The following TMEM117 variants were observed in gnomAD, a reference collection of about 807,000 sequenced individuals.
TMEM117 encodes the protein transmembrane protein 117.
TMEM117 carries 27 observed loss-of-function variants against 52.4 expected under a neutral mutation model. That is an observed-to-expected ratio of 0.51 (90% CI 0.38 to 0.71). The LOEUF (loss-of-function observed/expected upper bound fraction) is 0.71, where lower values mean the gene tolerates loss of function less well. Ranked by LOEUF, TMEM117 falls within the 30% of genes least tolerant of loss-of-function variation. The probability of loss-of-function intolerance (pLI) is 0.00; values close to 1 mark genes in which losing one functional copy is unlikely to be tolerated. For synonymous variants in TMEM117, 215 were observed against 206.3 expected, an observed-to-expected ratio of 1.04 and a Z score of -0.36; for missense variants, 556 against 630.5, an observed-to-expected ratio of 0.88 and a Z score of 1.26.
chr12:43,843,972 G>T (rs1943157223), intron 1 of TMEM117, among the ~76,000 whole-genome samples: 1 of 152,212 alleles, frequency 6.6e-6, no homozygotes, highest in Admixed American at 6.5e-5. Context: ...TTGGGCAGAG[G>T]AGAGAATATT....
chr12:43,814,686 T>G, the TMEM117 span, among the ~76,000 whole-genome samples: 25 of 151,654 alleles, frequency 1.6e-4, no homozygotes, highest in African/African-American at 6.0e-4. Flanking sequence ...GCATTACCAG[T>G]GTACAATGCA....
chr12:43,852,472 C>T (rs1943327293), intron 2 of TMEM117, among the ~76,000 whole-genome samples: 1 of 152,008 alleles, frequency 6.6e-6, no homozygotes, highest in African/African-American at 2.4e-5. Flanking sequence ...TGTGGTGGCA[C>T]ATGCTTGTAG....
chr12:43,872,187 T>C (rs933778103), intron 2 of TMEM117, among the ~76,000 whole-genome samples: 1 of 152,238 alleles, frequency 6.6e-6, no homozygotes, highest in Admixed American at 6.5e-5. Context: ...GAGTGAGATG[T>C]GACTAAGGCA....
rs146561980 is a variant in TMEM117, at chr12:44,227,523, C to G, written c.608+16136C>G. ...AAAATGGATTATTTGATTTTACTTG[C>G]AAGTTGGAACAAAATGGGTTTTGGG... is the stretch of plus-strand genomic sequence containing the variant. On this transcript the variant is annotated intron_variant, in intron 5 of 7. Coordinates refer to ENST00000266534, the MANE Select transcript of TMEM117 (RefSeq NM_032256.3). Among the ~76,000 whole-genome samples the G allele has an allele frequency of 3.3e-5, 5 of 152,208 alleles. No individual in the cohort carries two copies. In the East Asian group the frequency reaches 7.7e-4, roughly 23 times the overall value.
At chr12:43,808,048 G>C in the TMEM117 span, among the ~76,000 whole-genome samples, 1 of 152,210 alleles carries the variant, frequency 6.6e-6, no homozygotes, top group Non-Finnish European at 1.5e-5. Context: ...TTTGGAAATT[G>C]AACCACAGAG....
the TMEM117 span, chr12:43,805,428 G>A: frequency 2.6e-6 from 1 of 387,540 alleles, no homozygotes; most frequent in Non-Finnish European, 5.2e-6. Flanking sequence ...AGAAAGACTC[G>A]CTATTAACAG....
At chr12:43,913,728 G>T (rs535767955) in intron 2 of TMEM117, among the ~76,000 whole-genome samples, 1 of 151,894 alleles carries the variant, frequency 6.6e-6, no homozygotes, top group East Asian at 2.0e-4. Context: ...CTGGATTTAT[G>T]CAAGGCACAG....
chr12:44,299,865 C>T, intron 6 of TMEM117, 126 bp downstream of exon 6: 2 of 1,205,250 alleles, frequency 1.7e-6, no homozygotes, highest in East Asian at 2.4e-5. Context: ...TTTGATGGGG[C>T]CTTCTCTGTT....
chr12:44,361,443 ATTG>A (rs1242858861), intron 6 of TMEM117, among the ~76,000 whole-genome samples: 1 of 152,170 alleles, frequency 6.6e-6, no homozygotes, highest in Admixed American at 6.6e-5. Flanking sequence ...TCCTGTAAGT[ATTG>A]TTTAACTTGT....
intron 5 of TMEM117, among the ~76,000 whole-genome samples, chr12:44,266,936 G>A (rs1950385373): frequency 6.6e-6 from 1 of 152,010 alleles, no homozygotes. Context: ...GTATATATAT[G>A]GGTTGCTTTT....
chr12:43,819,874 G>A, the TMEM117 span, among the ~76,000 whole-genome samples: 10 of 152,130 alleles, frequency 6.6e-5, no homozygotes, highest in African/African-American at 2.4e-4. Flanking sequence ...AACTCTGTAG[G>A]CTGATGCTGA....
the TMEM117 span, among the ~76,000 whole-genome samples, chr12:44,398,124 C>A: frequency 6.7e-6 from 1 of 149,540 alleles, no homozygotes; most frequent in East Asian, 2.0e-4. Context: ...TTTTTTAAAC[C>A]TAAGGACTTA....
chr12:43,939,031 GA>G (rs1345219779), intron 2 of TMEM117, among the ~76,000 whole-genome samples: 2 of 151,308 alleles, frequency 1.3e-5, no homozygotes, highest in African/African-American at 4.9e-5. Flanking sequence ...AATAAAAAAA[GA>G]AAAGAAAATG....
At chr12:43,934,283 C>T (rs1028546844) in intron 2 of TMEM117, among the ~76,000 whole-genome samples, 1 of 151,958 alleles carries the variant, frequency 6.6e-6, no homozygotes, top group African/African-American at 2.4e-5. Flanking sequence ...TAAATGAATA[C>T]CTTTATTTCC....
At chr12:43,963,827 G>T (rs1945442695) in intron 3 of TMEM117, among the ~76,000 whole-genome samples, 1 of 152,184 alleles carries the variant, frequency 6.6e-6, no homozygotes, top group Non-Finnish European at 1.5e-5. Flanking sequence ...GAGTTTTGGA[G>T]AATTTAATGA....
rs566724555 is a variant in TMEM117, at chr12:44,167,144, C to T, written c.510+23520C>T. Among the ~76,000 whole-genome samples, 5 of 152,226 alleles carry T rather than the reference C, an allele frequency of 3.3e-5. No homozygotes were observed. The South Asian group carries it at 6.2e-4, about 19-fold the overall frequency. ...CCTGAAATTATATGCAATAAAACGTCCTCCATTCTACTTGAGCATAATTTG... is the reference window on the plus strand; with the variant it reads ...CCTGAAATTATATGCAATAAAACGTTCTCCATTCTACTTGAGCATAATTTG... On this transcript the variant is annotated intron_variant, in intron 4 of 7. Transcript: ENST00000266534.
chr12:43,813,980 A>G, the TMEM117 span, among the ~76,000 whole-genome samples: 1 of 152,074 alleles, frequency 6.6e-6, no homozygotes, highest in African/African-American at 2.4e-5. Context: ...GATCCCTAGT[A>G]GATTTTCAGG....
chr12:44,213,595 C>T (rs1423084825), intron 5 of TMEM117, among the ~76,000 whole-genome samples: 1 of 152,158 alleles, frequency 6.6e-6, no homozygotes, highest in African/African-American at 2.4e-5. Context: ...TCCCATAATC[C>T]CCACTTGTCG....
intron 5 of TMEM117, among the ~76,000 whole-genome samples, chr12:44,291,404 GTCTTTAGGGTT>G (rs1950703954): frequency 8.1e-6 from 1 of 123,298 alleles, no homozygotes; most frequent in African/African-American, 3.5e-5. Flanking sequence ...TTTTGGTGGA[GTCTTTAGGGTT>G]TCCTGTATGT....
Sources: gnomAD v4.1 joint callset for allele counts (sites outside exome capture counted in the v4.1 genomes callset) on GRCh38, gnomAD v4.1.1 for gene constraint, MANE v1.5 for transcripts, NCBI Gene and HGNC (gene_info 2026-07-23, HGNC 2026-07-21) for gene names.